Variants in SEMA5B observed in about 807,000 individuals in gnomAD.
The protein encoded by SEMA5B is semaphorin-5B.
In SEMA5B, 66 loss-of-function variants were observed where a neutral mutation model predicts 135.0. The observed-to-expected ratio is 0.49, with a 90% CI of 0.40 to 0.60. The LOEUF (loss-of-function observed/expected upper bound fraction) is 0.60. SEMA5B is among the 20% of genes least tolerant of loss of function. The probability of loss-of-function intolerance (pLI) is 0.00; values close to 1 mark genes in which losing one functional copy is unlikely to be tolerated. For synonymous variants in SEMA5B, 690 were observed against 639.5 expected (o/e 1.08, Z -1.19); for missense variants, 1,501 against 1,566.3 (o/e 0.96, Z 0.70).
rs142623774 is a variant in SEMA5B, at chr3:122,915,809, G to A, written c.1770C>T (p.Asn590=). 6.1e-5 allele frequency: 99 copies of A among 1,614,156 alleles called. 1 individual carries two copies. In the African/African-American group the frequency reaches 1.2e-3, roughly 19 times the overall value. The change falls in exon 13 of 23, where the codon AAC becomes AAT. Residue 590 remains asparagine, a synonymous_variant. Transcript: ENST00000357599. ...QRCSTLEDSS[N]MSLWTQNITA... ...TGATGTTCTGGGTCCAGAGGCTCATGTTGGAGCTGTCCTCGAGTGTGCTGC... is the reference window on the plus strand; with the variant it reads ...TGATGTTCTGGGTCCAGAGGCTCATATTGGAGCTGTCCTCGAGTGTGCTGC...
intron 5 of SEMA5B, among the ~76,000 whole-genome samples, chr3:122,936,512 A>C (rs1201150202): frequency 6.6e-6 from 1 of 152,220 alleles, no homozygotes; most frequent in Non-Finnish European, 1.5e-5. Flanking sequence ...TATGTGCAGA[A>C]CAGTCCTCGT....
At chr3:123,009,399 C>T (rs190178418) in intron 1 of SEMA5B, among the ~76,000 whole-genome samples, 62 of 152,188 alleles carry the variant, frequency 4.1e-4, no homozygotes, top group Admixed American at 3.0e-3. Flanking sequence ...AGGGAGGGTC[C>T]TGTGAACACA....
chr3:122,939,989 G>C (rs2107516087), intron 4 of SEMA5B, among the ~76,000 whole-genome samples: 1 of 152,070 alleles, frequency 6.6e-6, no homozygotes, highest in African/African-American at 2.4e-5. Flanking sequence ...CGATTTGTTT[G>C]TTCATCTCCT....
At chr3:123,009,723 A>G (rs1384963165) in intron 1 of SEMA5B, among the ~76,000 whole-genome samples, 1 of 152,178 alleles carries the variant, frequency 6.6e-6, no homozygotes, top group South Asian at 2.1e-4. Flanking sequence ...GTGGAAACAG[A>G]AAATCAAGGA....
chr3:122,919,519 T>C (rs1027291499), intron 12 of SEMA5B, among the ~76,000 whole-genome samples: 1 of 152,114 alleles, frequency 6.6e-6, no homozygotes, highest in Non-Finnish European at 1.5e-5. Context: ...AAGAGGCCTC[T>C]GCTTACCCAC....
At chr3:122,955,557 T>C (rs76047979) in intron 2 of SEMA5B, among the ~76,000 whole-genome samples, 2,645 of 152,340 alleles carry the variant, frequency 0.017, 82 homozygotes, top group African/African-American at 0.06. Flanking sequence ...CACGTCTGTC[T>C]GATTTGATGT....
intron 1 of SEMA5B, among the ~76,000 whole-genome samples, chr3:123,020,571 T>C (rs1942652973): frequency 6.6e-6 from 1 of 152,140 alleles, no homozygotes; most frequent in African/African-American, 2.4e-5. Context: ...ACCTGGCTGT[T>C]TAGAAGGGTT....
rs1261691907 is a variant in SEMA5B, at chr3:122,913,908, A to G, written c.2082T>C (p.Pro694=). 3 of 1,612,690 alleles carry G rather than the reference A, an allele frequency of 1.9e-6. No individual in the cohort carries two copies. Among genetic ancestry groups the G allele is most frequent in the South Asian group, 1.1e-5 (1 of 91,042 alleles). The change falls in exon 15 of 23, where the codon CCT becomes CCC. Residue 694 remains proline (P), a synonymous_variant. Transcript: ENST00000357599. ...AGATGCGGCCCCCGTGGCGGGGAGC[A>G]GGGTTGCTGCAACTTCGCTGGCGGA... ...FQVRQRSCSN[P]APRHGGRICV...
At chr3:123,008,493 A>G (rs1942361643) in intron 1 of SEMA5B, among the ~76,000 whole-genome samples, 1 of 152,126 alleles carries the variant, frequency 6.6e-6, no homozygotes, top group Admixed American at 6.6e-5. Context: ...ATGGCTGGAT[A>G]TAGCCCTGAT....
intron 1 of SEMA5B, among the ~76,000 whole-genome samples, chr3:123,006,458 A>G (rs181312759): frequency 6.6e-6 from 1 of 152,378 alleles, no homozygotes; most frequent in Admixed American, 6.5e-5. Context: ...AAGCTTTCCC[A>G]TACCAATTTA....
chr3:122,966,716 A>ACTG (rs1940853236), intron 1 of SEMA5B, among the ~76,000 whole-genome samples: 4 of 148,722 alleles, frequency 2.7e-5, no homozygotes, highest in Non-Finnish European at 4.5e-5. Context: ...CACCGCGCCC[A>ACTG]GCTAATTTTT....
chr3:122,989,704 G>C (rs1041424645), intron 1 of SEMA5B, among the ~76,000 whole-genome samples: 2 of 152,216 alleles, frequency 1.3e-5, no homozygotes, highest in African/African-American at 4.8e-5. Context: ...AGGTTGGAAA[G>C]GTGCAAATCA....
intron 1 of SEMA5B, among the ~76,000 whole-genome samples, chr3:122,978,291 G>C (rs1941402973): frequency 6.6e-6 from 1 of 152,240 alleles, no homozygotes; most frequent in Admixed American, 6.5e-5. Flanking sequence ...CATGGCTCAG[G>C]AATCTCTGTG....
intron 1 of SEMA5B, among the ~76,000 whole-genome samples, chr3:123,018,256 T>G (rs552920326): frequency 1.6e-4 from 24 of 152,372 alleles, no homozygotes; most frequent in Middle Eastern, 3.4e-3. Flanking sequence ...CCCATCGGGT[T>G]GGGAAGATGC....
At chr3:122,978,237 A>G (rs1941400105) in intron 1 of SEMA5B, among the ~76,000 whole-genome samples, 1 of 152,222 alleles carries the variant, frequency 6.6e-6, no homozygotes. Context: ...GTCCCATGCG[A>G]GTCGGTGGGT....
chr3:122,943,037 C>T (rs1334958402), intron 4 of SEMA5B, among the ~76,000 whole-genome samples: 1 of 152,172 alleles, frequency 6.6e-6, no homozygotes, highest in African/African-American at 2.4e-5. Flanking sequence ...ACCCAGCCGT[C>T]CCAGGTGCAG....
chr3:122,976,039 GC>G (rs1941307521), intron 1 of SEMA5B: 1 of 1,534,918 alleles, frequency 6.5e-7, no homozygotes, highest in East Asian at 2.4e-5. Context: ...CCTGTAGAAT[GC>G]CCTCTCCCAA....
At chr3:122,935,877 G>C (rs1296112285) in intron 5 of SEMA5B, among the ~76,000 whole-genome samples, 1 of 151,510 alleles carries the variant, frequency 6.6e-6, no homozygotes, top group Non-Finnish European at 1.5e-5. Context: ...TATTTTTGTA[G>C]AGATGGGGTT....
intron 8 of SEMA5B, among the ~76,000 whole-genome samples, chr3:122,927,495 G>A (rs79815641): frequency 0.12 from 18,540 of 152,184 alleles, 1,293 homozygotes; most frequent in Middle Eastern, 0.25. Context: ...ACCTGGCCCC[G>A]TAATTTTTTC....
Sources: gnomAD v4.1 joint callset for allele counts (sites outside exome capture counted in the v4.1 genomes callset) on GRCh38, gnomAD v4.1.1 for gene constraint, MANE v1.5 for transcripts, NCBI Gene and HGNC (gene_info 2026-07-23, HGNC 2026-07-21) for gene names.